PAX7: variants seen among roughly 807,000 people sequenced by gnomAD.
PAX7 encodes paired box 7.
PAX7 carries 18 observed loss-of-function variants against 50.7 expected under a neutral mutation model. The observed-to-expected ratio is 0.36, with a 90% CI of 0.25 to 0.53. The LOEUF (loss-of-function observed/expected upper bound fraction) is 0.53. Ranked by LOEUF, PAX7 falls within the 20% of genes least tolerant of loss-of-function variation. The pLI is 0.93. For missense variants in PAX7, 644 were observed against 702.9 expected, an observed-to-expected ratio of 0.92 and a Z score of 0.95; for synonymous variants, 310 against 290.4, an observed-to-expected ratio of 1.07 and a Z score of -0.69.
chr1:18,637,628 C>T lies in PAX7; in HGVS notation c.586+1257C>T, dbSNP rs146125542. On this transcript the variant is annotated intron_variant, in intron 4 of 8. Transcript: ENST00000420770. ...CTCTCTCCAGTTCTCAGAAGACCCT[C>T]CCAACCTTGAAGATGAACTTCACAG... Among the ~76,000 whole-genome samples the T allele has an allele frequency of 5.3e-5, 8 of 152,362 alleles. No homozygotes were observed. The East Asian group carries it at 1.5e-3, about 29-fold the overall frequency.
intron 7 of PAX7, among the ~76,000 whole-genome samples, chr1:18,709,638 C>T (rs1465262993): frequency 6.6e-6 from 1 of 152,216 alleles, no homozygotes; most frequent in African/African-American, 2.4e-5. Context: ...TCTTGTGACC[C>T]TCGTTTTACA....
chr1:18,669,675 C>T (rs2088716030), intron 4 of PAX7, among the ~76,000 whole-genome samples: 1 of 152,180 alleles, frequency 6.6e-6, no homozygotes, highest in East Asian at 1.9e-4. Context: ...AAGGCTGGTG[C>T]CTGCCCCAGA....
At chr1:18,740,970 G>A (rs959929753) in intron 8 of PAX7, among the ~76,000 whole-genome samples, 1 of 152,220 alleles carries the variant, frequency 6.6e-6, no homozygotes, top group African/African-American at 2.4e-5. Context: ...AGAGTCAAAT[G>A]ATGGTTACTA....
chr1:18,735,533 G>A lies in PAX7; in HGVS notation c.1156-99G>A, dbSNP rs1557559969. On this transcript the variant is annotated intron_variant, in intron 7 of 8. Coordinates refer to ENST00000420770, the MANE Select transcript of PAX7 (RefSeq NM_001135254.2). This position sits in a 1 kb window ranked among gnomAD's most constrained non-coding sequence, Gnocchi z 4.0. ...CAGAGACTTCAAGGGAACAACTCTG[G>A]CAAAGAGTGTTCCAGGGCCAGCCTG... 6.5e-7 allele frequency: 1 copy of A among 1,527,162 alleles called. No individual in the cohort carries two copies. The highest frequency in any genetic ancestry group is 2.3e-5 in the East Asian group (1 of 43,774). 94.6% of individuals were successfully genotyped at this position (1,527,162 alleles called of 1,614,324 possible).
rs1270470421 is a variant in PAX7 at position 18,700,536 on chromosome 1, A to G, written c.787-117A>G. On this transcript the variant is annotated intron_variant, in intron 5 of 8. Transcript: ENST00000420770. This position sits in a 1 kb window ranked among gnomAD's most constrained non-coding sequence, Gnocchi z 4.8. Reference sequence around the variant, plus strand: ...TGTGCTGCACAATGCCGGGGCCTGCAGGAGGATGCTGGCTGGATCAGAGGG... The same window carrying G: ...TGTGCTGCACAATGCCGGGGCCTGCGGGAGGATGCTGGCTGGATCAGAGGG... The G allele has an allele frequency of 1.1e-6, 1 of 912,098 alleles. No homozygotes were observed. Among genetic ancestry groups the G allele is most frequent in the East Asian group, 2.9e-5 (1 of 34,538 alleles). 56.5% of individuals were successfully genotyped at this position (912,098 alleles called of 1,614,324 possible).
chr1:18,736,272 CT>C, intron 8 of PAX7: 4 of 422,974 alleles, frequency 9.5e-6, no homozygotes, highest in Non-Finnish European at 1.3e-5. Flanking sequence ...CAAGACCAGC[CT>C]GGTCAACATG....
At chr1:18,723,362 A>G (rs2089518458) in intron 7 of PAX7, among the ~76,000 whole-genome samples, 1 of 152,196 alleles carries the variant, frequency 6.6e-6, no homozygotes, top group Non-Finnish European at 1.5e-5. Context: ...GCATCGTGTC[A>G]AGTTGACTCC....
chr1:18,634,465 T>C lies in PAX7; in HGVS notation c.248T>C (p.Val83Ala). The change falls in exon 2 of 9, where the codon GTC (valine) becomes GCC (alanine). Residue 83 changes from valine to alanine, a missense_variant. Physicochemically the swap from Val to Ala is moderately conservative, Grantham distance 64. Transcript: ENST00000420770. The surrounding 1 kb of genome is among the most constrained non-coding windows in gnomAD (Gnocchi z 4.0). ...SRQLRVSHGCVSKILCRYQET... is the reference protein window; with the variant it reads ...SRQLRVSHGCASKILCRYQET... ...CAGCTGCGTGTCTCCCACGGCTGCG[T>C]CTCCAAGATTCTTTGCCGCTACCAG... is the stretch of plus-strand genomic sequence containing the variant. 6.2e-7 allele frequency: 1 copy of C among 1,614,138 alleles called. No individual in the cohort carries two copies. Among genetic ancestry groups the C allele is most frequent in the African/African-American group, 1.3e-5 (1 of 75,044 alleles).
chr1:18,705,706 C>T (rs982694423), intron 7 of PAX7, among the ~76,000 whole-genome samples: 6 of 152,302 alleles, frequency 3.9e-5, no homozygotes, highest in African/African-American at 1.4e-4. Context: ...GGAAGTATCT[C>T]CCCCATGGCA....
intron 7 of PAX7, among the ~76,000 whole-genome samples, chr1:18,712,502 A>G (rs1228251851): frequency 1.3e-5 from 2 of 151,830 alleles, no homozygotes; most frequent in Admixed American, 1.3e-4. Flanking sequence ...GAAGGAGGAA[A>G]CCCCTCCCGG....
intron 4 of PAX7, among the ~76,000 whole-genome samples, chr1:18,675,438 G>C (rs1411556182): frequency 6.6e-6 from 1 of 152,156 alleles, no homozygotes; most frequent in Non-Finnish European, 1.5e-5. Context: ...AGGAACAGAG[G>C]CTCAGAGAGA....
Position 18,724,049 on chromosome 1 carries a change from C to T in PAX7, c.1156-11583C>T, listed in dbSNP as rs368256298. ...AGTGCCCCCGCCACTCTCAATGGGGCCCAGGGTTCTCCCGGCTCAGGCCGC... is the reference window on the plus strand; with the variant it reads ...AGTGCCCCCGCCACTCTCAATGGGGTCCAGGGTTCTCCCGGCTCAGGCCGC... On this transcript the variant is annotated intron_variant, in intron 7 of 8. Coordinates refer to ENST00000420770, the MANE Select transcript of PAX7 (RefSeq NM_001135254.2). 2.6e-5 allele frequency among the ~76,000 whole-genome samples: 4 copies of T among 152,346 alleles called. No individual in the cohort carries two copies. In the East Asian group the frequency reaches 7.7e-4, roughly 29 times the overall value.
At chr1:18,641,317 C>CGGAGGTCTG (rs1390438898) in intron 4 of PAX7, among the ~76,000 whole-genome samples, 1 of 152,112 alleles carries the variant, frequency 6.6e-6, no homozygotes, top group Non-Finnish European at 1.5e-5. Flanking sequence ...GGGAAGCCGT[C>CGGAGGTCTG]GGAGGTCTGG....
At chr1:18,642,814 T>C (rs557353190) in intron 4 of PAX7, among the ~76,000 whole-genome samples, 1 of 151,818 alleles carries the variant, frequency 6.6e-6, no homozygotes, top group African/African-American at 2.4e-5. Flanking sequence ...AACTTCGCCA[T>C]TAGTAGATAG....
At position 18,661,617 on chromosome 1, in the gene PAX7, C is replaced by G. The variant is rs569888833; in HGVS notation, c.586+25246C>G. Among the ~76,000 whole-genome samples, 13 of 152,356 alleles carry G rather than the reference C, an allele frequency of 8.5e-5. No homozygotes were observed. In the East Asian group the frequency reaches 1.9e-3, roughly 23 times the overall value. ...ATCTGTAAAATAGGGCTAACAACAC[C>G]CACCTCACAGTGTCGGACAAAGCCA... is the stretch of plus-strand genomic sequence containing the variant. On this transcript the variant is annotated intron_variant, in intron 4 of 8. Coordinates refer to ENST00000420770, the MANE Select transcript of PAX7 (RefSeq NM_001135254.2).
At chr1:18,651,416 A>T (rs780130833) in intron 4 of PAX7, among the ~76,000 whole-genome samples, 1 of 152,258 alleles carries the variant, frequency 6.6e-6, no homozygotes, top group Non-Finnish European at 1.5e-5. Context: ...AGTATATAAA[A>T]TAAAAATTAA....
chr1:18,705,095 C>T (rs2089267414), intron 7 of PAX7, among the ~76,000 whole-genome samples: 1 of 152,218 alleles, frequency 6.6e-6, no homozygotes, highest in African/African-American at 2.4e-5. Flanking sequence ...ACTTGGCTGA[C>T]CTTGTCAGCC....
chr1:18,649,721 A>G (rs1030742440), intron 4 of PAX7, among the ~76,000 whole-genome samples: 3 of 152,216 alleles, frequency 2.0e-5, no homozygotes, highest in African/African-American at 7.2e-5. Context: ...CATCCGGGGA[A>G]CTGTCCTTTC....
At chr1:18,635,879 G>A (rs911666524) in intron 3 of PAX7, among the ~76,000 whole-genome samples, 3 of 152,034 alleles carry the variant, frequency 2.0e-5, no homozygotes, top group African/African-American at 7.2e-5. Context: ...GCACACCTGA[G>A]TGTGGGAGTG....
Sources: gnomAD v4.1 joint callset for allele counts (sites outside exome capture counted in the v4.1 genomes callset) on GRCh38, gnomAD v4.1.1 for gene constraint, Gnocchi (gnomAD v3.1) non-coding constraint, MANE v1.5 for transcripts, NCBI Gene and HGNC (gene_info 2026-07-23, HGNC 2026-07-21) for gene names.